Variants in MARCHF1 observed in about 807,000 individuals in gnomAD.
MARCHF1 encodes the protein E3 ubiquitin-protein ligase MARCHF1.
A neutral mutation model predicts 54.2 loss-of-function variants in MARCHF1; 40 were observed. The observed-to-expected ratio is 0.74, with a 90% confidence interval of 0.57 to 0.96. The LOEUF is 0.96. MARCHF1 is among the 40% of genes least tolerant of loss of function. The probability of loss-of-function intolerance (pLI) is 0.00; values close to 1 mark genes in which losing one functional copy is unlikely to be tolerated. For synonymous variants in MARCHF1, 236 were observed against 236.3 expected, an observed-to-expected ratio of 1.00 and a Z score of 0.01; for missense variants, 586 against 656.5, an observed-to-expected ratio of 0.89 and a Z score of 1.17.
chr4:163,764,143 A>C (rs1277216390), intron 4 of MARCHF1, among the ~76,000 whole-genome samples: 1 of 152,046 alleles, frequency 6.6e-6, no homozygotes, highest in Admixed American at 6.6e-5. Flanking sequence ...TTGAGGGTTT[A>C]GTAGGCCCAG....
intron 3 of MARCHF1, among the ~76,000 whole-genome samples, chr4:163,927,461 G>A (rs1036435539): frequency 1.3e-5 from 2 of 151,790 alleles, no homozygotes; most frequent in African/African-American, 4.8e-5. Flanking sequence ...GGGGGAAAGG[G>A]CTGTTTTATA....
chr4:164,361,706 A>G (rs1442214068), intron 1 of MARCHF1, among the ~76,000 whole-genome samples: 1 of 152,174 alleles, frequency 6.6e-6, no homozygotes, highest in Non-Finnish European at 1.5e-5. Context: ...AATATATTAC[A>G]TGCTTTTCTG....
At chr4:164,254,530 CCAT>C (rs1733217935) in intron 1 of MARCHF1, among the ~76,000 whole-genome samples, 1 of 151,004 alleles carries the variant, frequency 6.6e-6, no homozygotes, top group Non-Finnish European at 1.5e-5. Context: ...TAATAAACTC[CCAT>C]ATGTATGAAG....
At chr4:163,851,201 G>A (rs1232589645) in intron 4 of MARCHF1, among the ~76,000 whole-genome samples, 1 of 152,124 alleles carries the variant, frequency 6.6e-6, no homozygotes, top group African/African-American at 2.4e-5. Context: ...GTAGAATAAC[G>A]GAAAAAGAGA....
intron 1 of MARCHF1, among the ~76,000 whole-genome samples, chr4:164,287,638 G>A (rs1453618353): frequency 6.6e-6 from 1 of 152,150 alleles, no homozygotes; most frequent in Non-Finnish European, 1.5e-5. Context: ...CTCACTTCAG[G>A]AGGTGCAAAA....
intron 4 of MARCHF1, among the ~76,000 whole-genome samples, chr4:163,758,359 G>C (rs1035409342): frequency 6.6e-6 from 1 of 152,178 alleles, no homozygotes; most frequent in Non-Finnish European, 1.5e-5. Context: ...CCAAGACAAT[G>C]TGAGTGGGGT....
At chr4:164,289,852 G>C (rs1734245014) in intron 1 of MARCHF1, among the ~76,000 whole-genome samples, 1 of 151,946 alleles carries the variant, frequency 6.6e-6, no homozygotes, top group African/African-American at 2.4e-5. Context: ...AGCTCTTTAT[G>C]CTCTAATCCC....
At chr4:163,871,840 G>C (rs993068720) in intron 3 of MARCHF1, among the ~76,000 whole-genome samples, 1 of 151,962 alleles carries the variant, frequency 6.6e-6, no homozygotes, top group Non-Finnish European at 1.5e-5. Flanking sequence ...CCTAGTTAAC[G>C]AGTATTCCAA....
intron 4 of MARCHF1, among the ~76,000 whole-genome samples, chr4:163,799,464 T>C (rs554616986): frequency 1.3e-5 from 2 of 152,228 alleles, no homozygotes; most frequent in South Asian, 4.1e-4. Context: ...ATAATTTAAA[T>C]AAATTTAATT....
chr4:164,266,768 T>C (rs1733621392), intron 1 of MARCHF1, among the ~76,000 whole-genome samples: 1 of 152,178 alleles, frequency 6.6e-6, no homozygotes, highest in South Asian at 2.1e-4. Flanking sequence ...GAATGTTTTT[T>C]GACCTTATAC....
intron 5 of MARCHF1, among the ~76,000 whole-genome samples, chr4:163,669,524 C>A (rs868247489): frequency 6.6e-6 from 1 of 151,990 alleles, no homozygotes; most frequent in African/African-American, 2.4e-5. Context: ...ACTCCTACTT[C>A]CAAAATTGGT....
chr4:164,310,652 A>C (rs1367946136), intron 1 of MARCHF1, among the ~76,000 whole-genome samples: 2 of 151,016 alleles, frequency 1.3e-5, no homozygotes. Context: ...ATTATTTCAC[A>C]GTGTTTCATC....
chr4:163,930,482 T>TG (rs950448101), intron 3 of MARCHF1, among the ~76,000 whole-genome samples: 34 of 151,576 alleles, frequency 2.2e-4, no homozygotes, highest in South Asian at 2.1e-4. Flanking sequence ...AATGGTGTTT[T>TG]TTTTTTTTTT....
At chr4:163,544,904 T>A (rs1446846376) in intron 9 of MARCHF1, among the ~76,000 whole-genome samples, 2 of 152,210 alleles carry the variant, frequency 1.3e-5, no homozygotes, top group African/African-American at 2.4e-5. Flanking sequence ...TTAGGCTGGA[T>A]AAGGTATGAA....
rs1268865555 is a variant in MARCHF1, at chr4:163,701,125, A to G, written c.112-262T>C. On this transcript the variant is annotated intron_variant, in intron 4 of 9. Transcript: ENST00000514618. Reference sequence around the variant, plus strand: ...GGTTACAAGTATTTGTTTCCAGGAAATAATTATTTCTCCAGAAAAATTTTT... The same window carrying G: ...GGTTACAAGTATTTGTTTCCAGGAAGTAATTATTTCTCCAGAAAAATTTTT... 2.0e-5 allele frequency among the ~76,000 whole-genome samples: 3 copies of G among 152,162 alleles called. No homozygotes were observed. In the East Asian group the frequency reaches 5.8e-4, roughly 29 times the overall value.
intron 4 of MARCHF1, among the ~76,000 whole-genome samples, chr4:163,843,923 CTTCTT>C (rs1749412526): frequency 6.6e-6 from 1 of 151,180 alleles, no homozygotes; most frequent in Non-Finnish European, 1.5e-5. Flanking sequence ...GCCTGTATGT[CTTCTT>C]TTAAGAATTG....
intron 1 of MARCHF1, among the ~76,000 whole-genome samples, chr4:164,238,038 T>C (rs891199510): frequency 1.3e-5 from 2 of 152,068 alleles, no homozygotes; most frequent in African/African-American, 4.8e-5. Context: ...ACTAATATAA[T>C]TCAATGATTC....
intron 1 of MARCHF1, among the ~76,000 whole-genome samples, chr4:164,357,537 T>C (rs1041096341): frequency 9.2e-5 from 14 of 152,144 alleles, no homozygotes; most frequent in Non-Finnish European, 1.9e-4. Flanking sequence ...TCAGCGCATA[T>C]GAGATGAAGG....
intron 1 of MARCHF1, among the ~76,000 whole-genome samples, chr4:164,161,118 T>C (rs941709583): frequency 6.6e-6 from 1 of 152,148 alleles, no homozygotes; most frequent in Non-Finnish European, 1.5e-5. Flanking sequence ...AGGTGAGGCC[T>C]GGTGGGACAT....
Sources: allele counts gnomAD v4.1 joint callset (sites outside exome capture counted in the v4.1 genomes callset), GRCh38; gene constraint gnomAD v4.1.1; transcripts MANE v1.5; gene names NCBI Gene and HGNC (gene_info 2026-07-23, HGNC 2026-07-21).